The following RPS6KA6 variants were observed in gnomAD, a reference collection of about 807,000 sequenced individuals.
RPS6KA6 encodes the protein ribosomal protein S6 kinase alpha-6.
A neutral mutation model predicts 65.4 loss-of-function variants in RPS6KA6; 27 were observed. The observed-to-expected ratio is 0.41, with a 90% CI of 0.30 to 0.57. RPS6KA6 has a LOEUF of 0.57. RPS6KA6 is among the 20% of genes least tolerant of loss of function. RPS6KA6 has a pLI of 0.24. For missense variants in RPS6KA6, 486 were observed against 555.6 expected (o/e 0.87, Z 1.26); for synonymous variants, 190 against 184.2 (o/e 1.03, Z -0.26).
chrX:84,150,984 T>C (rs1210493515), intron 3 of RPS6KA6, among the ~76,000 whole-genome samples: 2 of 89,806 alleles, frequency 2.2e-5, no homozygotes, highest in Non-Finnish European at 2.2e-5. Flanking sequence ...ATAGGATATA[T>C]ATATAGAGGA....
chrX:84,101,903 G>C, intron 18 of RPS6KA6, 134 bp downstream of exon 18: 1 of 479,991 alleles, frequency 2.1e-6, no homozygotes, highest in Admixed American at 5.1e-5. Context: ...AGAATTCCCT[G>C]ATTTAAAGAA....
chrX:84,135,230 T>A lies in RPS6KA6; in HGVS notation c.502-20A>T. ...CAGAACCTAGAACAAAATAATGATT[T>A]ATCATTTGATCTTTCTTTCAATATT... On this transcript the variant is annotated intron_variant, in intron 6 of 21. Coordinates refer to ENST00000262752, the MANE Select transcript of RPS6KA6 (RefSeq NM_014496.5). The A allele has an allele frequency of 9.8e-7, 1 of 1,021,511 alleles. No homozygotes were observed. The highest frequency in any genetic ancestry group is 1.4e-6 in the Non-Finnish European group (1 of 732,543). 84.2% of individuals were successfully genotyped at this position (1,021,511 alleles called of 1,213,427 possible).
chrX:84,144,444 T>C (rs1307972962), intron 6 of RPS6KA6, among the ~76,000 whole-genome samples: 4 of 111,181 alleles, frequency 3.6e-5, no homozygotes, highest in African/African-American at 1.3e-4. Context: ...CATTAGTCAT[T>C]AGTGTGATGT....
At chrX:84,175,224 A>C (rs6622944) in intron 1 of RPS6KA6, among the ~76,000 whole-genome samples, 6,851 of 111,309 alleles carry the variant, frequency 0.062, 231 homozygotes, top group East Asian at 0.2. Flanking sequence ...ACCTCAGTAT[A>C]CGTGGGAGAT....
intron 6 of RPS6KA6, among the ~76,000 whole-genome samples, chrX:84,140,658 C>T (rs2035077785): frequency 1.0e-5 from 1 of 96,158 alleles, no homozygotes; most frequent in South Asian, 5.7e-4. Flanking sequence ...CACTTGAACC[C>T]GGGAGGCAGA....
At chrX:84,068,460 A>T (rs1232321929) in intron 20 of RPS6KA6, among the ~76,000 whole-genome samples, 1 of 112,009 alleles carries the variant, frequency 8.9e-6, no homozygotes, top group Non-Finnish European at 1.9e-5. Context: ...CCCATAGCCA[A>T]TATCATACTG....
rs778162934 is a variant in RPS6KA6, at chrX:84,115,242, A to G, written c.1008+987T>C. The stretch of plus-strand genomic sequence containing the variant: ...ATATCGAGATCTGCAAGGTACTCAA[A>G]CAACTCAACAGGTAAACAAACAAAC... On this transcript the variant is annotated intron_variant, in intron 12 of 21. Transcript: ENST00000262752. 5.4e-5 allele frequency among the ~76,000 whole-genome samples: 6 copies of G among 111,910 alleles called. No homozygotes were observed. The South Asian group carries it at 1.9e-3, about 35-fold the overall frequency.
At chrX:84,125,267 T>G (rs1404721251) in intron 8 of RPS6KA6, among the ~76,000 whole-genome samples, 2 of 112,004 alleles carry the variant, frequency 1.8e-5, no homozygotes, top group East Asian at 5.6e-4. Flanking sequence ...ATTATTATGC[T>G]GTCATTGTGG....
At chrX:84,076,944 C>T (rs1433345823) in intron 20 of RPS6KA6, among the ~76,000 whole-genome samples, 2 of 110,973 alleles carry the variant, frequency 1.8e-5, no homozygotes, top group Non-Finnish European at 3.8e-5. Flanking sequence ...CATACAAGAT[C>T]AATATAATCA....
chrX:84,139,089 A>G (rs1271300048), intron 6 of RPS6KA6, among the ~76,000 whole-genome samples: 3 of 111,733 alleles, frequency 2.7e-5, no homozygotes, highest in Middle Eastern at 4.2e-3. Context: ...AGGCTGCTCA[A>G]TCAATGTACT....
chrX:84,091,455 A>T (rs1446271801), intron 20 of RPS6KA6, among the ~76,000 whole-genome samples: 1 of 112,590 alleles, frequency 8.9e-6, no homozygotes, highest in Non-Finnish European at 1.9e-5. Context: ...AAGTGAATAT[A>T]TGACCAGGCA....
At chrX:84,102,000 A>C in intron 18 of RPS6KA6, 37 bp downstream of exon 18, 1 of 1,110,547 alleles carries the variant, frequency 9.0e-7, no homozygotes, top group Non-Finnish European at 1.2e-6. Flanking sequence ...CTAAAGGAAA[A>C]GAATGAAAGG....
rs1427917753 is a variant in RPS6KA6, at chrX:84,059,924, TTTTG to T, written c.*4349_*4352del. The T allele has an allele frequency of 6.2e-5, 7 of 112,496 alleles. No homozygotes were observed. The highest frequency in any genetic ancestry group is 2.8e-4 in the East Asian group (1 of 3,624). The allele number at this position is 112,496 out of a possible 1,213,427, so 9.3% of individuals were successfully genotyped here. Reference sequence around the variant, plus strand: ...AGCTTGGATTTCCATATTCTAAAACTTTTGTTTTTCTAAATATTTCAAAGAAACT... The same window carrying T: ...AGCTTGGATTTCCATATTCTAAAACTTTTTTCTAAATATTTCAAAGAAACT... On this transcript the variant is annotated 3_prime_UTR_variant, in exon 22 of 22. Transcript: ENST00000262752.
chrX:84,084,703 G>A (rs770470446), intron 20 of RPS6KA6, among the ~76,000 whole-genome samples: 10 of 111,786 alleles, frequency 8.9e-5, no homozygotes, highest in African/African-American at 1.3e-4. Context: ...CTATTTTTTG[G>A]TTCTATATAA....
At chrX:84,185,651 T>A (rs1199920736) in intron 1 of RPS6KA6, among the ~76,000 whole-genome samples, 1 of 111,710 alleles carries the variant, frequency 9.0e-6, no homozygotes, top group Non-Finnish European at 1.9e-5. Flanking sequence ...CACACAGAAA[T>A]GGACGGAAAT....
Position 84,117,050 on chromosome X carries a change from T to G in RPS6KA6, c.949+10A>C, listed in dbSNP as rs772347083. 3.4e-5 allele frequency: 37 copies of G among 1,073,785 alleles called. No individual in the cohort carries two copies. In the East Asian group the frequency reaches 1.2e-3, roughly 34 times the overall value. The allele number at this position is 1,073,785 out of a possible 1,213,427, so 88.5% of individuals were successfully genotyped here. ...GTTACTTCTATAAAAGCTAAGAAAA[T>G]AAGCAATACCCAATCTATTTGCTGG... On this transcript the variant is annotated intron_variant, in intron 11 of 21. Coordinates refer to ENST00000262752, the MANE Select transcript of RPS6KA6 (RefSeq NM_014496.5).
At chrX:84,159,176 T>C (rs887555928) in intron 2 of RPS6KA6, among the ~76,000 whole-genome samples, 2 of 111,130 alleles carry the variant, frequency 1.8e-5, no homozygotes, top group Non-Finnish European at 3.8e-5. Context: ...TGTGTCACCA[T>C]TTCCAATACT....
At chrX:84,164,461 T>C in intron 1 of RPS6KA6, 74 bp from the exon 2 acceptor site, 1 of 706,966 alleles carries the variant, frequency 1.4e-6, no homozygotes, top group African/African-American at 2.1e-5. Flanking sequence ...AATATAACCC[T>C]AGGCATTTCC....
chrX:84,069,452 A>C (rs750467947), intron 20 of RPS6KA6, among the ~76,000 whole-genome samples: 1 of 112,187 alleles, frequency 8.9e-6, no homozygotes, highest in Non-Finnish European at 1.9e-5. Flanking sequence ...ACCTAAAACC[A>C]TAAAAGCCCT....
Sources: gnomAD v4.1 joint callset for allele counts (sites outside exome capture counted in the v4.1 genomes callset) on GRCh38, gnomAD v4.1.1 for gene constraint, MANE v1.5 for transcripts, NCBI Gene and HGNC (gene_info 2026-07-23, HGNC 2026-07-21) for gene names.